UGT1A5: variants seen among roughly 807,000 people sequenced by gnomAD.
UGT1A5 encodes UDP glucuronosyltransferase family 1 member A5, also known as UDP-glucuronosyltransferase 1A5.
UGT1A5 carries 29 observed loss-of-function variants against 40.3 expected under a neutral mutation model. The ratio of observed to expected loss-of-function variants is 0.72; its 90% CI spans 0.54 to 0.98. UGT1A5 has a LOEUF of 0.98. Ranked by LOEUF, UGT1A5 falls within the 50% of genes least tolerant of loss-of-function variation. The probability of loss-of-function intolerance (pLI) is 0.00; values close to 1 mark genes in which losing one functional copy is unlikely to be tolerated. For missense variants in UGT1A5, 678 were observed against 677.9 expected (o/e 1.00, Z 0.00); for synonymous variants, 257 against 262.5 (o/e 0.98, Z 0.20).
chr2:233,728,044 C>T (rs568632744), intron 1 of UGT1A5, among the ~76,000 whole-genome samples: 1 of 152,330 alleles, frequency 6.6e-6, no homozygotes, highest in African/African-American at 2.4e-5. Context: ...GGATAAGCCT[C>T]ATTGGGCTTG....
intron 1 of UGT1A5, among the ~76,000 whole-genome samples, chr2:233,724,338 T>C (rs2077227587): frequency 6.9e-6 from 1 of 145,520 alleles, no homozygotes; most frequent in African/African-American, 2.6e-5. Context: ...GGCGGGGGGC[T>C]GACCCCCCCC....
chr2:233,724,621 C>T (rs1346107086), intron 1 of UGT1A5, among the ~76,000 whole-genome samples: 1 of 138,572 alleles, frequency 7.2e-6, no homozygotes, highest in African/African-American at 2.8e-5. Flanking sequence ...CAGAGACGCT[C>T]CTCACTTCCT....
Position 233,769,638 on chromosome 2 carries a change from A to C in UGT1A5, c.1307+1199A>C. 1 of 1,610,122 alleles carries C rather than the reference A, an allele frequency of 6.2e-7. No homozygotes were observed. On this transcript the variant is annotated intron_variant, in intron 4 of 4. Transcript: ENST00000373414. This position sits in a 1 kb window ranked among gnomAD's most constrained non-coding sequence, Gnocchi z 4.4. ...CTTGAGCAAGGGACAACAGGGGAGGACTGATGACTGACTTCCCACCTTTGA... is the reference window on the plus strand; with the variant it reads ...CTTGAGCAAGGGACAACAGGGGAGGCCTGATGACTGACTTCCCACCTTTGA...
At chr2:233,743,662 G>A (rs34622615) in intron 1 of UGT1A5, 13 of 1,367,072 alleles carry the variant, frequency 9.5e-6, no homozygotes, top group African/African-American at 1.5e-5. Context: ...ACTCGAAGGG[G>A]TCCTCGAAGG....
Position 233,754,896 on chromosome 2 carries a change from C to T in UGT1A5, c.868-12138C>T, listed in dbSNP as rs755836502. 29 of 1,350,518 alleles carry T rather than the reference C, an allele frequency of 2.1e-5. No homozygotes were observed. The African/African-American group carries it at 3.1e-4, about 15-fold the overall frequency. The allele number at this position is 1,350,518 out of a possible 1,614,324, so 83.7% of individuals were successfully genotyped here. A position where few individuals can be genotyped will look rare whatever the true frequency, so the allele number is the denominator to read the frequency against. On this transcript the variant is annotated intron_variant, in intron 1 of 4. Transcript: ENST00000373414. ...TCTGCTTCCCAGGGAGTTCCTCTGA[C>T]CCCCCAAAATATTCTCCAGCGGGTT...
At chr2:233,746,577 T>C (rs1395681338) in intron 1 of UGT1A5, among the ~76,000 whole-genome samples, 4 of 151,762 alleles carry the variant, frequency 2.6e-5, no homozygotes, top group Non-Finnish European at 4.4e-5. Context: ...CACCCTGTAA[T>C]TGCCTAGTTG....
In UGT1A5 at chr2:233,734,393, C is replaced by T. The variant is rs557317498; in HGVS notation, c.867+20535C>T. On this transcript the variant is annotated intron_variant, in intron 1 of 4. Transcript: ENST00000373414. ...ATATTGCCTTTACTATTTTTTATTG[C>T]GTCTATTTGATTCTTCTCTCTTTTC... Among the ~76,000 whole-genome samples, 8 of 152,072 alleles carry T rather than the reference C, an allele frequency of 5.3e-5. No homozygotes were observed. In the East Asian group the frequency reaches 7.7e-4, roughly 15 times the overall value.
chr2:233,772,363 A>G lies in UGT1A5; in HGVS notation c.1409A>G (p.Lys470Arg). 1 of 1,614,238 alleles carries G rather than the reference A, an allele frequency of 6.2e-7. No homozygotes were observed. Among genetic ancestry groups the G allele is most frequent in the Non-Finnish European group, 8.5e-7 (1 of 1,180,044 alleles). Residue 470 changes from lysine to arginine, a missense_variant, in exon 5 of 5, where the codon AAG (lysine) becomes AGG (arginine). By Grantham distance (26) the Lys-to-Arg change is conservative. Coordinates refer to ENST00000373414, the MANE Select transcript of UGT1A5 (RefSeq NM_019078.2). ...TGGGTGGAGTTTGTGATGAGGCACA[A>G]GGGCGCGCCACACCTGCGCCCCGCA... Reference protein sequence around the residue: ...VFWVEFVMRHKGAPHLRPAAH... With the variant: ...VFWVEFVMRHRGAPHLRPAAH...
At chr2:233,739,807 G>T (rs527239626) in intron 1 of UGT1A5, among the ~76,000 whole-genome samples, 26 of 152,152 alleles carry the variant, frequency 1.7e-4, no homozygotes, top group African/African-American at 5.3e-4. Flanking sequence ...GGGAAGGCAT[G>T]ATTGGTTTTT....
intron 1 of UGT1A5, chr2:233,742,939 C>T (rs750908913): frequency 4.7e-6 from 1 of 212,356 alleles, no homozygotes; most frequent in Non-Finnish European, 9.5e-6. Context: ...TTCTGTCCTA[C>T]CACTAGCAAA....
rs34526305 is a variant in UGT1A5 at position 233,760,428 on chromosome 2, C to T, written c.868-6606C>T. The T allele has an allele frequency of 1.7e-3, 2,732 of 1,614,194 alleles. 18 individuals carry two copies. Among genetic ancestry groups the T allele is most frequent in the Middle Eastern group, 9.2e-3 (56 of 6,062 alleles). ...ACTGGCTGAGCATGCTTGGGGCCAT[C>T]CAGCAGCTGCAGCAGAGGGGACATG... On this transcript the variant is annotated intron_variant, in intron 1 of 4. Coordinates refer to ENST00000373414, the MANE Select transcript of UGT1A5 (RefSeq NM_019078.2).
chr2:233,726,367 A>C (rs994250212), intron 1 of UGT1A5, among the ~76,000 whole-genome samples: 1 of 152,216 alleles, frequency 6.6e-6, no homozygotes, highest in Non-Finnish European at 1.5e-5. Flanking sequence ...AAACACAACA[A>C]AAACCAAAAT....
At chr2:233,752,746 A>AAAACAAACAAAC (rs200752387) in intron 1 of UGT1A5, among the ~76,000 whole-genome samples, 1 of 152,190 alleles carries the variant, frequency 6.6e-6, no homozygotes, top group East Asian at 1.9e-4. Context: ...CCCTGTCTCT[A>AAAACAAACAAAC]AAACAAACAA....
chr2:233,730,100 C>A, intron 1 of UGT1A5: 1 of 1,582,980 alleles, frequency 6.3e-7, no homozygotes, highest in Non-Finnish European at 8.6e-7. Flanking sequence ...CCAAATATTT[C>A]ATTTCTGCTT....
chr2:233,746,892 G>A (rs1693507408), intron 1 of UGT1A5, among the ~76,000 whole-genome samples: 1 of 151,796 alleles, frequency 6.6e-6, no homozygotes, highest in African/African-American at 2.4e-5. Flanking sequence ...GAAGTAGGAG[G>A]CTGTGACATG....
In UGT1A5 at chr2:233,724,282, G is replaced by C. The variant is rs1306983781; in HGVS notation, c.867+10424G>C. Among the ~76,000 whole-genome samples, 10 of 125,690 alleles carry C rather than the reference G, an allele frequency of 8.0e-5. No individual in the cohort carries two copies. In the East Asian group the frequency reaches 2.6e-3, roughly 32 times the overall value. 82.5% of individuals were successfully genotyped at this position (125,690 alleles called of 152,430 possible). On this transcript the variant is annotated intron_variant, in intron 1 of 4. Coordinates refer to ENST00000373414, the MANE Select transcript of UGT1A5 (RefSeq NM_019078.2). ...TCCCGGACGGGGCGGCTGGCCGGGC[G>C]GGGGGCTGACCCCCCCACCTCCCTC... is the stretch of plus-strand genomic sequence containing the variant.
chr2:233,724,683 C>T (rs986382878), intron 1 of UGT1A5, among the ~76,000 whole-genome samples: 9 of 144,584 alleles, frequency 6.2e-5, no homozygotes, highest in African/African-American at 1.3e-4. Flanking sequence ...GATGGGATGG[C>T]GGCCGGGTGA....
intron 1 of UGT1A5, among the ~76,000 whole-genome samples, chr2:233,749,817 TTCTC>T (rs1694278787): frequency 1.3e-5 from 2 of 151,900 alleles, no homozygotes; most frequent in Non-Finnish European, 2.9e-5. Flanking sequence ...CTCTTCCTCT[TTCTC>T]TCTTTCATGT....
chr2:233,758,555 A>G (rs1183009321), intron 1 of UGT1A5, among the ~76,000 whole-genome samples: 1 of 152,170 alleles, frequency 6.6e-6, no homozygotes, highest in African/African-American at 2.4e-5. Context: ...CTTGCCCAGA[A>G]TCTTGGTCCT....
Sources: gnomAD v4.1 joint callset for allele counts (sites outside exome capture counted in the v4.1 genomes callset) on GRCh38, gnomAD v4.1.1 for gene constraint, Gnocchi (gnomAD v3.1) non-coding constraint, MANE v1.5 for transcripts, NCBI Gene and HGNC (gene_info 2026-07-23, HGNC 2026-07-21) for gene names.